Variants in SLC24A4 observed in about 807,000 individuals in gnomAD.
SLC24A4 encodes the protein solute carrier family 24 member 4.
SLC24A4 carries 53 observed loss-of-function variants against 79.0 expected under a neutral mutation model. The observed-to-expected ratio is 0.67, with a 90% CI of 0.54 to 0.84. The LOEUF (loss-of-function observed/expected upper bound fraction) is 0.84, where lower values mean the gene tolerates loss of function less well. Among genes scored for constraint, SLC24A4 ranks in the 40% least tolerant of loss-of-function variants. SLC24A4 has a pLI of 0.00. For missense variants in SLC24A4, 731 were observed against 822.0 expected, an observed-to-expected ratio of 0.89 and a Z score of 1.35; for synonymous variants, 323 against 323.8, an observed-to-expected ratio of 1.00 and a Z score of 0.03.
At chr14:92,404,993 A>T (rs1890301388) in intron 2 of SLC24A4, among the ~76,000 whole-genome samples, 1 of 152,224 alleles carries the variant, frequency 6.6e-6, no homozygotes, top group African/African-American at 2.4e-5. Context: ...AATAGATTTT[A>T]AAAAAATACT....
chr14:92,420,917 G>A (rs1168774289), intron 2 of SLC24A4, among the ~76,000 whole-genome samples: 2 of 152,100 alleles, frequency 1.3e-5, no homozygotes, highest in Non-Finnish European at 2.9e-5. Flanking sequence ...CTGGGATGCC[G>A]AGTGCCTGTT....
At chr14:92,336,402 GA>G (rs1250269638) in intron 2 of SLC24A4, among the ~76,000 whole-genome samples, 1 of 152,178 alleles carries the variant, frequency 6.6e-6, no homozygotes, top group Admixed American at 6.5e-5. Context: ...TCCTCCTTGG[GA>G]AAGGAACAGA....
intron 2 of SLC24A4, among the ~76,000 whole-genome samples, chr14:92,393,566 T>A (rs941639): frequency 6.8e-6 from 1 of 146,214 alleles, no homozygotes; most frequent in Non-Finnish European, 1.5e-5. Context: ...TTTTTTTTTT[T>A]ACGGAGTCTC....
intron 5 of SLC24A4, 132 bp downstream of exon 5, chr14:92,442,305 G>A (rs1209003110): frequency 1.5e-6 from 1 of 669,622 alleles, no homozygotes; most frequent in Non-Finnish European, 2.6e-6. Context: ...GAGGCAGTAA[G>A]TAGACTGGTG....
rs1475188034 is a variant in SLC24A4 at position 92,323,826 on chromosome 14, C to A, written c.-5C>A. ...CTCCCAGAGACGGCACCCAGGCGCT[C>A]CGGGATGGCGCTCCGCGGGACCCTC... On this transcript the variant is annotated 5_prime_UTR_variant, in exon 1 of 17. Coordinates refer to ENST00000532405, the MANE Select transcript of SLC24A4 (RefSeq NM_153646.4). This position sits in a 1 kb window ranked among gnomAD's most constrained non-coding sequence, Gnocchi z 4.9. 1 of 1,567,648 alleles carries A rather than the reference C, an allele frequency of 6.4e-7. No homozygotes were observed. Among genetic ancestry groups the A allele is most frequent in the South Asian group, 1.2e-5 (1 of 86,768 alleles).
chr14:92,411,851 A>G (rs1233537484), intron 2 of SLC24A4, among the ~76,000 whole-genome samples: 1 of 152,222 alleles, frequency 6.6e-6, no homozygotes, highest in Admixed American at 6.5e-5. Context: ...TGGGTCACAC[A>G]TGATTCCAAG....
intron 14 of SLC24A4, among the ~76,000 whole-genome samples, chr14:92,489,716 G>A (rs965236223): frequency 2.0e-5 from 3 of 152,028 alleles, no homozygotes; most frequent in Non-Finnish European, 2.9e-5. Context: ...AATTTGAGTC[G>A]CACTGCCCTA....
At chr14:92,403,466 G>A (rs541867690) in intron 2 of SLC24A4, among the ~76,000 whole-genome samples, 2 of 152,152 alleles carry the variant, frequency 1.3e-5, no homozygotes, top group Admixed American at 1.3e-4. Flanking sequence ...AAATTAGTTG[G>A]GCATGGTGGC....
At chr14:92,487,368 A>G (rs1895424666) in intron 14 of SLC24A4, among the ~76,000 whole-genome samples, 1 of 152,250 alleles carries the variant, frequency 6.6e-6, no homozygotes, top group East Asian at 1.9e-4. Flanking sequence ...GGACATCCAC[A>G]GATCTTCCTC....
At chr14:92,463,959 C>T (rs964891506) in intron 12 of SLC24A4, among the ~76,000 whole-genome samples, 7 of 152,300 alleles carry the variant, frequency 4.6e-5, no homozygotes, top group African/African-American at 1.7e-4. Flanking sequence ...GGTCCATCCA[C>T]GCTGTACTAT....
At chr14:92,379,553 C>T (rs1331105556) in intron 2 of SLC24A4, among the ~76,000 whole-genome samples, 1 of 152,090 alleles carries the variant, frequency 6.6e-6, no homozygotes, top group Non-Finnish European at 1.5e-5. Context: ...GGAAGCGCCC[C>T]TGCCCCCTCC....
chr14:92,411,244 T>C (rs1890691157), intron 2 of SLC24A4, among the ~76,000 whole-genome samples: 1 of 152,178 alleles, frequency 6.6e-6, no homozygotes, highest in Non-Finnish European at 1.5e-5. Context: ...GCATGGAAAC[T>C]CACCGTTGAG....
At chr14:92,439,076 C>T (rs1892346794) in intron 3 of SLC24A4, among the ~76,000 whole-genome samples, 1 of 152,246 alleles carries the variant, frequency 6.6e-6, no homozygotes, top group African/African-American at 2.4e-5. Context: ...CTTATTAGAT[C>T]ACAAGAGGAA....
At chr14:92,487,965 TTCCTCCTCCTGCTCC>T (rs1439012782) in intron 14 of SLC24A4, among the ~76,000 whole-genome samples, 3 of 151,746 alleles carry the variant, frequency 2.0e-5, no homozygotes, top group African/African-American at 7.3e-5. Context: ...CTGTGTCGAC[TTCCTCCTCCTGCTCC>T]TCCTCCTCCT....
At chr14:92,404,084 A>C in intron 2 of SLC24A4, among the ~76,000 whole-genome samples, 1 of 152,318 alleles carries the variant, frequency 6.6e-6, no homozygotes, top group Non-Finnish European at 1.5e-5. Flanking sequence ...AGAAAAGAGT[A>C]AGTCTTACTG....
At chr14:92,386,762 A>G (rs1889179543) in intron 2 of SLC24A4, among the ~76,000 whole-genome samples, 1 of 152,158 alleles carries the variant, frequency 6.6e-6, no homozygotes, top group African/African-American at 2.4e-5. Flanking sequence ...AGATTATCTG[A>G]GCAGAACTAG....
At chr14:92,400,134 T>C (rs1177804090) in intron 2 of SLC24A4, among the ~76,000 whole-genome samples, 1 of 152,084 alleles carries the variant, frequency 6.6e-6, no homozygotes, top group Non-Finnish European at 1.5e-5. Context: ...AGCACCTTGA[T>C]AAACTGGAAA....
At chr14:92,393,893 C>A (rs1889628333) in intron 2 of SLC24A4, among the ~76,000 whole-genome samples, 1 of 151,928 alleles carries the variant, frequency 6.6e-6, no homozygotes, top group South Asian at 2.1e-4. Flanking sequence ...CACCTGTAAT[C>A]CCAGCTACTT....
At position 92,442,870 on chromosome 14, in the gene SLC24A4, G is replaced by T; in HGVS notation, c.582+54G>T. 7 of 1,427,974 alleles carry T rather than the reference G, an allele frequency of 4.9e-6. No individual in the cohort carries two copies. The South Asian group carries it at 6.9e-5, about 14-fold the overall frequency. 88.5% of individuals were successfully genotyped at this position (1,427,974 alleles called of 1,614,324 possible). A position where few individuals can be genotyped will look rare whatever the true frequency, so the allele number is the denominator to read the frequency against. ...ATGCATGCCCTGAAGCGTGGGGGAT[G>T]AGCCTCTAATGACAAGAGGTTGGGG... On this transcript the variant is annotated intron_variant, in intron 6 of 16. Coordinates refer to ENST00000532405, the MANE Select transcript of SLC24A4 (RefSeq NM_153646.4).
Sources: gnomAD v4.1 joint callset for allele counts (sites outside exome capture counted in the v4.1 genomes callset) on GRCh38, gnomAD v4.1.1 for gene constraint, Gnocchi (gnomAD v3.1) non-coding constraint, MANE v1.5 for transcripts, NCBI Gene and HGNC (gene_info 2026-07-23, HGNC 2026-07-21) for gene names.